ARID5B: variants seen among roughly 807,000 people sequenced by gnomAD.
ARID5B encodes the protein AT-rich interactive domain-containing protein 5B.
Under a neutral mutation model 97.2 loss-of-function variants are expected in ARID5B, and 13 were observed. The observed-to-expected ratio is 0.13, with a 90% CI of 0.09 to 0.21. ARID5B has a LOEUF of 0.21. ARID5B is among the 10% of genes least tolerant of loss of function. ARID5B has a pLI of 1.00. For synonymous variants in ARID5B, 556 were observed against 570.3 expected (o/e 0.97, Z 0.36); for missense variants, 1,210 against 1,465.3 (o/e 0.83, Z 2.84).
At chr10:61,905,697 T>A (rs974006639) in intron 2 of ARID5B, among the ~76,000 whole-genome samples, 3 of 152,224 alleles carry the variant, frequency 2.0e-5, no homozygotes, top group Non-Finnish European at 4.4e-5. Flanking sequence ...TGTACTAATG[T>A]GAACAGTCCC....
intron 4 of ARID5B, among the ~76,000 whole-genome samples, chr10:62,024,129 C>T (rs1465330458): frequency 2.0e-5 from 3 of 152,164 alleles, no homozygotes; most frequent in African/African-American, 7.2e-5. Context: ...ATCAATTCAA[C>T]AAATATTTAG....
Position 62,085,838 on chromosome 10 carries a change from C to T in ARID5B, c.1336C>T (p.His446Tyr), listed in dbSNP as rs141586900. The change falls in exon 9 of 10, where the codon CAT becomes TAT. Residue 446 changes from histidine (H) to tyrosine (Y), a missense_variant. By Grantham distance (83) the His-to-Tyr change is moderately conservative. Around this residue, in one of 8 missense-constraint regions of ARID5B, gnomAD observed 800 missense variants for 839.1 expected, o/e 0.95. Transcript: ENST00000279873. ...AGTATCTGGAACCAAACGCATCAAA[C>T]ATGAAATACCTAAAAGCAAGAAAGA... ...TKVSGTKRIK[H>Y]EIPKSKKEKE... 113 of 1,614,076 alleles carry T rather than the reference C, an allele frequency of 7.0e-5. No individual in the cohort carries two copies. The East Asian group carries it at 2.3e-3, about 32-fold the overall frequency.
chr10:62,002,904 G>A (rs1839099014), intron 4 of ARID5B, among the ~76,000 whole-genome samples: 1 of 152,144 alleles, frequency 6.6e-6, no homozygotes, highest in Non-Finnish European at 1.5e-5. Flanking sequence ...TTAGGTAACA[G>A]TATGCCTAGG....
intron 4 of ARID5B, among the ~76,000 whole-genome samples, chr10:62,008,765 G>A (rs1230006949): frequency 1.3e-5 from 2 of 152,312 alleles, no homozygotes; most frequent in Middle Eastern, 3.4e-3. Context: ...CTTTAAGAGT[G>A]CAAACTATTT....
intron 1 of ARID5B, among the ~76,000 whole-genome samples, 181 bp from the exon 2 acceptor site, chr10:61,901,973 GTTTTT>G (rs371641779): frequency 1.5e-5 from 2 of 131,606 alleles, no homozygotes; most frequent in South Asian, 2.5e-4. Flanking sequence ...GGGGCCCTGA[GTTTTT>G]TTTTTTTTTT....
intron 8 of ARID5B, among the ~76,000 whole-genome samples, chr10:62,075,017 A>G (rs1351155211): frequency 6.6e-6 from 1 of 152,254 alleles, no homozygotes; most frequent in East Asian, 1.9e-4. Context: ...ATCAGTCAGC[A>G]TCAGATGGGA....
intron 3 of ARID5B, among the ~76,000 whole-genome samples, chr10:61,983,697 C>T (rs1024567079): frequency 2.3e-4 from 35 of 151,684 alleles, no homozygotes; most frequent in Non-Finnish European, 4.1e-4. Flanking sequence ...CGGCTGCTGA[C>T]CTGCGTATGA....
chr10:61,994,050 ATACATAT>A (rs1389525554), intron 3 of ARID5B, among the ~76,000 whole-genome samples: 1 of 152,176 alleles, frequency 6.6e-6, no homozygotes, highest in Non-Finnish European at 1.5e-5. Context: ...CTTAGCCTTC[ATACATAT>A]TTGGAATCTT....
chr10:62,035,956 G>A (rs1156742431), intron 4 of ARID5B, among the ~76,000 whole-genome samples: 1 of 150,536 alleles, frequency 6.6e-6, no homozygotes, highest in East Asian at 2.0e-4. Flanking sequence ...TCCCAAGTAG[G>A]TGGGATTACA....
chr10:61,997,806 A>T (rs1356847084), intron 3 of ARID5B, among the ~76,000 whole-genome samples: 1 of 152,204 alleles, frequency 6.6e-6, no homozygotes, highest in African/African-American at 2.4e-5. Context: ...AATAGCACTT[A>T]AAAACTCTGG....
intron 7 of ARID5B, among the ~76,000 whole-genome samples, chr10:62,064,336 C>A (rs1171509845): frequency 6.6e-6 from 1 of 152,178 alleles, no homozygotes; most frequent in Non-Finnish European, 1.5e-5. Flanking sequence ...ATTCAGTCCA[C>A]CCTCAAGGTG....
chr10:62,082,072 T>TCTC (rs760834868), intron 8 of ARID5B, among the ~76,000 whole-genome samples: 12 of 152,046 alleles, frequency 7.9e-5, no homozygotes, highest in Admixed American at 2.0e-4. Context: ...TTAATAAGAA[T>TCTC]CTCCGTGATA....
chr10:61,960,885 G>C (rs1285151631), intron 3 of ARID5B, among the ~76,000 whole-genome samples: 1 of 152,238 alleles, frequency 6.6e-6, no homozygotes, highest in Non-Finnish European at 1.5e-5. Context: ...TAGCACTCTG[G>C]ATCCCCAATC....
In ARID5B at chr10:62,091,350, G is replaced by C; in HGVS notation, c.1887G>C (p.Lys629Asn). 1.2e-6 allele frequency: 2 copies of C among 1,614,200 alleles called. No individual in the cohort carries two copies. The highest frequency in any genetic ancestry group is 1.7e-6 in the Non-Finnish European group (2 of 1,180,032). ...ATTACATTGCCAACTGCACCGTGAA[G>C]GTGGACCAGCTGGGCAGTGACGACA... ...MADYIANCTV[K>N]VDQLGSDDIH... is the part of the protein sequence containing the mutation. The change falls in exon 10 of 10, where the codon AAG becomes AAC. Residue 629 changes from lysine (K) to asparagine (N), a missense_variant. By Grantham distance (94) the Lys-to-Asn change is moderately conservative. This residue lies in a region of ARID5B where 800 missense variants were observed against 839.1 expected (regional missense o/e 0.95). Coordinates refer to ENST00000279873, the MANE Select transcript of ARID5B (RefSeq NM_032199.3).
chr10:62,030,116 T>TC (rs1839476754), intron 4 of ARID5B, among the ~76,000 whole-genome samples: 1 of 151,968 alleles, frequency 6.6e-6, no homozygotes, highest in African/African-American at 2.4e-5. Context: ...GCAGGGTTTT[T>TC]CTTTTCTTTT....
intron 4 of ARID5B, among the ~76,000 whole-genome samples, chr10:62,009,261 C>G (rs1322613754): frequency 6.6e-6 from 1 of 152,178 alleles, no homozygotes; most frequent in African/African-American, 2.4e-5. Flanking sequence ...CTCCAGGTGC[C>G]ATCTTGGAGG....
At chr10:61,995,861 T>A (rs959730297) in intron 3 of ARID5B, among the ~76,000 whole-genome samples, 1 of 152,172 alleles carries the variant, frequency 6.6e-6, no homozygotes, top group Non-Finnish European at 1.5e-5. Flanking sequence ...TGGTAAATAT[T>A]AAAGGCAACT....
chr10:62,010,978 G>A (rs185743449), intron 4 of ARID5B, among the ~76,000 whole-genome samples: 7 of 152,238 alleles, frequency 4.6e-5, no homozygotes, highest in Admixed American at 1.3e-4. Flanking sequence ...GAATCATATC[G>A]GAAAGTGTTA....
chr10:62,068,764 C>T (rs1840025843), intron 7 of ARID5B, among the ~76,000 whole-genome samples: 1 of 152,110 alleles, frequency 6.6e-6, no homozygotes, highest in South Asian at 2.1e-4. Context: ...CAAGGAAATA[C>T]TAGACTTACT....
Sources: gnomAD v4.1 joint callset for allele counts (sites outside exome capture counted in the v4.1 genomes callset) on GRCh38, gnomAD v4.1.1 for gene constraint, gnomAD v4.1.1 regional missense constraint, MANE v1.5 for transcripts, NCBI Gene and HGNC (gene_info 2026-07-23, HGNC 2026-07-21) for gene names.